Variants in CDKL3 observed in about 807,000 individuals in gnomAD.
CDKL3 encodes cyclin dependent kinase like 3.
CDKL3 carries 65 observed loss-of-function variants against 69.3 expected under a neutral mutation model. The observed-to-expected ratio is 0.94, with a 90% CI of 0.77 to 1.15. The LOEUF is 1.15. Among genes scored for constraint, CDKL3 ranks in the 50% most tolerant of loss-of-function variants. CDKL3 has a pLI of 0.00. For synonymous variants in CDKL3, 202 were observed against 221.6 expected (o/e 0.91, Z 0.79); for missense variants, 652 against 689.2 (o/e 0.95, Z 0.61).
chr5:134,357,289 C>G (rs1397327295), intron 3 of CDKL3, among the ~76,000 whole-genome samples: 1 of 151,838 alleles, frequency 6.6e-6, no homozygotes, highest in African/African-American at 2.4e-5. Context: ...ACTAAAAATA[C>G]AAAAATTAGC....
intron 6 of CDKL3, among the ~76,000 whole-genome samples, chr5:134,314,364 A>T (rs1011871822): frequency 3.3e-5 from 5 of 152,216 alleles, no homozygotes; most frequent in Non-Finnish European, 7.3e-5. Context: ...AATGTAAAAC[A>T]TGACACTTTG....
chr5:134,368,604 G>C (rs1324424061), upstream of CDKL3, among the ~76,000 whole-genome samples: 5 of 119,962 alleles, frequency 4.2e-5, no homozygotes, highest in African/African-American at 1.6e-4. Flanking sequence ...GGGTGGCAGA[G>C]CGAGACTCCA....
chr5:134,304,150 A>G (rs1767115471), intron 11 of CDKL3, among the ~76,000 whole-genome samples: 1 of 151,954 alleles, frequency 6.6e-6, no homozygotes, highest in Non-Finnish European at 1.5e-5. Flanking sequence ...GCTTGTCTCA[A>G]ACTCCTGGGC....
intron 3 of CDKL3, among the ~76,000 whole-genome samples, chr5:134,359,282 G>A (rs534284506): frequency 6.6e-6 from 1 of 152,082 alleles, no homozygotes; most frequent in South Asian, 2.1e-4. Context: ...TGGGCAACGA[G>A]AGCAAAACTC....
At chr5:134,303,166 A>C (rs1379759101) in intron 11 of CDKL3, among the ~76,000 whole-genome samples, 1 of 151,328 alleles carries the variant, frequency 6.6e-6, no homozygotes, top group Non-Finnish European at 1.5e-5. Flanking sequence ...ATCTCGGCTC[A>C]CTGCAACCTC....
At chr5:134,344,839 CGATCACGAGGTCAGGAG>C (rs1167917652) in intron 4 of CDKL3, among the ~76,000 whole-genome samples, 1 of 151,876 alleles carries the variant, frequency 6.6e-6, no homozygotes, top group African/African-American at 2.4e-5. Flanking sequence ...CGAGGCAGGT[CGATCACGAGGTCAGGAG>C]TTCGAGACCA....
At position 134,306,663 on chromosome 5, in the gene CDKL3, T is replaced by C. The variant is rs771627353; in HGVS notation, c.1404A>G (p.Gln468=). 2.5e-6 allele frequency: 4 copies of C among 1,581,908 alleles called. No individual in the cohort carries two copies. The highest frequency in any genetic ancestry group is 2.3e-5 in the East Asian group (1 of 43,346). The change falls in exon 10 of 13, where the codon CAA becomes CAG. Residue 468 remains glutamine (Q), a synonymous_variant. Transcript: ENST00000265334. The part of the protein sequence containing the change: ...ERAKKRRTSS[Q]SIGQVMPNSR... ...TATTAGGCATAACTTGTCCAATAGATTGTGAAGAAGTGCGTCTCTTTTTTG... is the reference window on the plus strand; with the variant it reads ...TATTAGGCATAACTTGTCCAATAGACTGTGAAGAAGTGCGTCTCTTTTTTG...
At chr5:134,316,387 C>CAGGA (rs1378295429) in intron 6 of CDKL3, among the ~76,000 whole-genome samples, 8 of 152,272 alleles carry the variant, frequency 5.3e-5, no homozygotes, top group African/African-American at 1.9e-4. Context: ...ATCACAAGGG[C>CAGGA]AGGAGTTCAA....
upstream of CDKL3, chr5:134,367,242 C>T: frequency 2.0e-6 from 2 of 985,358 alleles, no homozygotes; most frequent in Non-Finnish European, 2.4e-6. Context: ...AAACGGAAAC[C>T]TACTCTGGGT....
intron 4 of CDKL3, among the ~76,000 whole-genome samples, chr5:134,342,718 A>G (rs1052610334): frequency 6.6e-6 from 1 of 152,340 alleles, no homozygotes; most frequent in South Asian, 2.1e-4. Context: ...ATAACCTCCA[A>G]ACTAATCCAC....
At chr5:134,285,117 G>A (rs904580673), downstream of CDKL3, among the ~76,000 whole-genome samples, 12 of 152,220 alleles carry the variant, frequency 7.9e-5, no homozygotes, top group Middle Eastern at 3.4e-3. Flanking sequence ...CCCTCCGTTC[G>A]GGGCCCCTGA....
At chr5:134,342,634 T>C (rs147873646) in intron 4 of CDKL3, among the ~76,000 whole-genome samples, 1 of 151,644 alleles carries the variant, frequency 6.6e-6, no homozygotes, top group African/African-American at 2.4e-5. Flanking sequence ...GAAAAATTTA[T>C]GGAAGATCTA....
At chr5:134,368,432 C>G (rs939930274), upstream of CDKL3, among the ~76,000 whole-genome samples, 1 of 152,006 alleles carries the variant, frequency 6.6e-6, no homozygotes, top group Admixed American at 6.6e-5. Flanking sequence ...TCCTGGCTAA[C>G]ACGGTGAAAC....
intron 6 of CDKL3, chr5:134,319,152 G>A (rs1211589909): frequency 2.7e-6 from 1 of 370,076 alleles, no homozygotes; most frequent in African/African-American, 2.2e-5. Context: ...CCAACACGGT[G>A]AAACCCCGTC....
At position 134,310,651 on chromosome 5, in the gene CDKL3, A is replaced by G. The variant is rs184774614; in HGVS notation, c.881+1641T>C. 2.0e-3 allele frequency among the ~76,000 whole-genome samples: 304 copies of G among 151,300 alleles called. 1 individual carries two copies. The highest frequency in any genetic ancestry group is 3.5e-3 in the Non-Finnish European group (241 of 67,900). On this transcript the variant is annotated intron_variant, in intron 7 of 12. Coordinates refer to ENST00000265334, the MANE Select transcript of CDKL3 (RefSeq NM_001113575.2). ...TACAGGCACATGCCCACGCCCAGCT[A>G]AGTTTTTGCATTTTCAGTAGAGATG...
downstream of CDKL3, among the ~76,000 whole-genome samples, chr5:134,283,487 C>T (rs919877466): frequency 5.3e-5 from 8 of 152,090 alleles, no homozygotes; most frequent in Admixed American, 1.3e-4. Context: ...GGATAACGCC[C>T]CCTTGTAATA....
intron 3 of CDKL3, among the ~76,000 whole-genome samples, chr5:134,352,610 C>T (rs1218928106): frequency 6.6e-6 from 1 of 151,844 alleles, no homozygotes; most frequent in Non-Finnish European, 1.5e-5. Context: ...AACCTTTGCC[C>T]ATTTTTTATT....
chr5:134,363,998 T>A (rs1378882536), intron 2 of CDKL3, among the ~76,000 whole-genome samples: 4 of 146,176 alleles, frequency 2.7e-5, no homozygotes, highest in Non-Finnish European at 6.0e-5. Context: ...AGAAGGCAAA[T>A]TGATCCATCA....
chr5:134,283,651 C>T (rs963905568), downstream of CDKL3, among the ~76,000 whole-genome samples: 11 of 152,090 alleles, frequency 7.2e-5, no homozygotes, highest in African/African-American at 2.2e-4. Context: ...TCATTCCACC[C>T]CTGGCCCCTC....
Sources: allele counts gnomAD v4.1 joint callset (sites outside exome capture counted in the v4.1 genomes callset), GRCh38; gene constraint gnomAD v4.1.1; transcripts MANE v1.5; gene names NCBI Gene and HGNC (gene_info 2026-07-23, HGNC 2026-07-21).